C12orf56: variants seen among roughly 807,000 people sequenced by gnomAD.
C12orf56 encodes uncharacterized protein C12orf56.
A neutral mutation model predicts 69.9 loss-of-function variants in C12orf56; 71 were observed. That is an observed-to-expected ratio of 1.02 (90% confidence interval 0.84 to 1.24). C12orf56 has a LOEUF of 1.24. Ranked by LOEUF, C12orf56 falls within the 50% of genes most tolerant of loss-of-function variation. The probability of loss-of-function intolerance (pLI) is 0.00; values close to 1 mark genes in which losing one functional copy is unlikely to be tolerated. For synonymous variants in C12orf56, 276 were observed against 274.1 expected (o/e 1.01, Z -0.07); for missense variants, 732 against 738.5 (o/e 0.99, Z 0.10).
Position 64,330,950 on chromosome 12 carries a change from A to G in C12orf56, c.488+10T>C, listed in dbSNP as rs1168724321. On this transcript the variant is annotated intron_variant, in intron 3 of 12. Coordinates refer to ENST00000543942, the MANE Select transcript of C12orf56 (RefSeq NM_001170633.2). ...GCAAGTTAAACACATACTCCAAACA[A>G]CAATCTCACCTGAGAGGAGATTCTT... 2 of 1,539,818 alleles carry G rather than the reference A, an allele frequency of 1.3e-6. No homozygotes were observed. Among genetic ancestry groups the G allele is most frequent in the Non-Finnish European group, 1.8e-6 (2 of 1,141,142 alleles).
intron 6 of C12orf56, among the ~76,000 whole-genome samples, chr12:64,286,352 T>G (rs1332292282): frequency 6.6e-6 from 1 of 152,194 alleles, no homozygotes; most frequent in Non-Finnish European, 1.5e-5. Flanking sequence ...AGGTGTGTAA[T>G]CTCAGGCAAC....
chr12:64,366,905 T>C lies in C12orf56; in HGVS notation c.253-13849A>G, dbSNP rs183372132. Among the ~76,000 whole-genome samples, 104 of 123,514 alleles carry C rather than the reference T, an allele frequency of 8.4e-4. 2 individuals are homozygous for C. Among genetic ancestry groups the C allele is most frequent in the African/African-American group, 3.5e-3 (101 of 28,750 alleles). The allele number at this position is 123,514 out of a possible 152,430, so 81.0% of individuals were successfully genotyped here. A position where few individuals can be genotyped will look rare whatever the true frequency, so the allele number is the denominator to read the frequency against. On this transcript the variant is annotated intron_variant, in intron 1 of 12. Coordinates refer to ENST00000543942, the MANE Select transcript of C12orf56 (RefSeq NM_001170633.2). ...TATATTATATAACATACAGTTTATA[T>C]ATTATATATAACACAGTTTATATAT...
intron 3 of C12orf56, among the ~76,000 whole-genome samples, chr12:64,329,938 T>C (rs939347940): frequency 1.1e-4 from 17 of 152,030 alleles, no homozygotes; most frequent in African/African-American, 2.9e-4. Flanking sequence ...GTTGGACATT[T>C]GGGTTGGTTC....
chr12:64,322,909 A>G (rs895555766), intron 3 of C12orf56, among the ~76,000 whole-genome samples: 3 of 152,154 alleles, frequency 2.0e-5, no homozygotes, highest in African/African-American at 2.4e-5. Flanking sequence ...CCTCTCCTCT[A>G]CAAACAGAGC....
chr12:64,343,085 C>A (rs980722772), intron 2 of C12orf56, among the ~76,000 whole-genome samples: 3 of 152,138 alleles, frequency 2.0e-5, no homozygotes, highest in Non-Finnish European at 2.9e-5. Flanking sequence ...CTCCAAAATT[C>A]AAATAGGCCC....
At chr12:64,344,734 A>G (rs1296886712) in intron 2 of C12orf56, among the ~76,000 whole-genome samples, 1 of 152,162 alleles carries the variant, frequency 6.6e-6, no homozygotes, top group Non-Finnish European at 1.5e-5. Context: ...GCATTGGTCA[A>G]GGGTATATCT....
chr12:64,381,063 A>G (rs1450671384), intron 1 of C12orf56, among the ~76,000 whole-genome samples: 1 of 152,170 alleles, frequency 6.6e-6, no homozygotes, highest in Non-Finnish European at 1.5e-5. Flanking sequence ...ATGGGAGACT[A>G]GAGTTTTATT....
intron 8 of C12orf56, among the ~76,000 whole-genome samples, chr12:64,280,425 G>A (rs1172595309): frequency 6.6e-6 from 1 of 152,140 alleles, no homozygotes; most frequent in Non-Finnish European, 1.5e-5. Context: ...CACATCGATA[G>A]TCTCCTAAGT....
chr12:64,385,190 G>C (rs919255129), intron 1 of C12orf56, among the ~76,000 whole-genome samples: 1 of 152,072 alleles, frequency 6.6e-6, no homozygotes, highest in Non-Finnish European at 1.5e-5. Context: ...ATCCGCCCAA[G>C]TAACTTGGAA....
chr12:64,330,295 G>A lies in C12orf56; in HGVS notation c.488+665C>T, dbSNP rs187463177. ...ATCTGGACTTTTAAGACCCTCCAAAGTGTAGGATCCATTTCACTTTCAGGT... is the reference window on the plus strand; with the variant it reads ...ATCTGGACTTTTAAGACCCTCCAAAATGTAGGATCCATTTCACTTTCAGGT... On this transcript the variant is annotated intron_variant, in intron 3 of 12. Coordinates refer to ENST00000543942, the MANE Select transcript of C12orf56 (RefSeq NM_001170633.2). Among the ~76,000 whole-genome samples, 963 of 152,294 alleles carry A rather than the reference G, an allele frequency of 6.3e-3. 16 individuals are homozygous for A. The highest frequency in any genetic ancestry group is 0.022 in the African/African-American group (930 of 41,558).
intron 6 of C12orf56, among the ~76,000 whole-genome samples, chr12:64,298,957 A>G (rs1254852081): frequency 6.6e-6 from 1 of 152,176 alleles, no homozygotes; most frequent in Non-Finnish European, 1.5e-5. Context: ...CATTGAATCT[A>G]TAAATTACTT....
rs1405054171 is a variant in C12orf56, at chr12:64,277,905, G to GAA, written c.1311-104_1311-103dup. On this transcript the variant is annotated intron_variant, in intron 8 of 12. Transcript: ENST00000543942. ...TGGATATAATTATGTTTAAAAGAAT[G>GAA]AAGCATTGCAGACCATCCTTGACTG... 7 of 977,330 alleles carry GAA rather than the reference G, an allele frequency of 7.2e-6. No homozygotes were observed. In the African/African-American group the frequency reaches 1.2e-4, roughly 16 times the overall value. The allele number at this position is 977,330 out of a possible 1,614,324, so 60.5% of individuals were successfully genotyped here.
At chr12:64,301,007 G>A (rs1391457727) in intron 6 of C12orf56, among the ~76,000 whole-genome samples, 3 of 152,168 alleles carry the variant, frequency 2.0e-5, no homozygotes, top group African/African-American at 4.8e-5. Flanking sequence ...GTTTAAAAGT[G>A]GCAGTTTCCC....
chr12:64,312,621 A>C, intron 5 of C12orf56, 58 bp downstream of exon 5: 1 of 1,269,032 alleles, frequency 7.9e-7, no homozygotes, highest in Non-Finnish European at 1.1e-6. Context: ...AAAAAAGGAG[A>C]GGCAAAGAGG....
At chr12:64,357,400 TTTTCTTTTTTTTTTC>T (rs913966415) in intron 1 of C12orf56, among the ~76,000 whole-genome samples, 3 of 151,310 alleles carry the variant, frequency 2.0e-5, no homozygotes, top group African/African-American at 4.9e-5. Flanking sequence ...AATCATAATT[TTTTCTTTTTTTTTTC>T]TTTCTTTTTT....
At chr12:64,338,510 T>C in intron 2 of C12orf56, 1 of 1,110,612 alleles carries the variant, frequency 9.0e-7, no homozygotes, top group Non-Finnish European at 1.4e-6. Flanking sequence ...CAGCAACTGG[T>C]ACAAACCTGT....
At chr12:64,314,899 T>A (rs2038670444) in intron 4 of C12orf56, among the ~76,000 whole-genome samples, 1 of 138,530 alleles carries the variant, frequency 7.2e-6, no homozygotes, top group African/African-American at 2.6e-5. Flanking sequence ...CCTCCCAAAG[T>A]GCTGGGATTA....
intron 1 of C12orf56, among the ~76,000 whole-genome samples, chr12:64,356,520 C>T (rs993072714): frequency 1.3e-5 from 2 of 152,102 alleles, no homozygotes; most frequent in African/African-American, 2.4e-5. Context: ...AGGGTTGGAC[C>T]GCACAGTCTA....
intron 2 of C12orf56, among the ~76,000 whole-genome samples, chr12:64,339,912 C>T (rs1171829735): frequency 6.6e-6 from 1 of 151,906 alleles, no homozygotes; most frequent in African/African-American, 2.4e-5. Context: ...ATATAGAGCC[C>T]AATGTGTCCA....
Sources: allele counts gnomAD v4.1 joint callset (sites outside exome capture counted in the v4.1 genomes callset), GRCh38; gene constraint gnomAD v4.1.1; transcripts MANE v1.5; gene names NCBI Gene and HGNC (gene_info 2026-07-23, HGNC 2026-07-21).